The following TJP1 variants were observed in gnomAD, a reference collection of about 807,000 sequenced individuals.
The protein encoded by TJP1 is tight junction protein 1.
Under a neutral mutation model 194.2 loss-of-function variants are expected in TJP1, and 43 were observed. The observed-to-expected ratio is 0.22, with a 90% CI of 0.17 to 0.29. The LOEUF (loss-of-function observed/expected upper bound fraction) is 0.29, where lower values mean the gene tolerates loss of function less well. Ranked by LOEUF, TJP1 falls within the 10% of genes least tolerant of loss-of-function variation. TJP1 has a pLI of 1.00. For missense variants in TJP1, 1,971 were observed against 2,185.7 expected, an observed-to-expected ratio of 0.90 and a Z score of 1.96; for synonymous variants, 801 against 779.0, an observed-to-expected ratio of 1.03 and a Z score of -0.47.
chr15:29,778,801 T>C (rs1396302777), intron 2 of TJP1, among the ~76,000 whole-genome samples: 1 of 152,086 alleles, frequency 6.6e-6, no homozygotes, highest in African/African-American at 2.4e-5. Context: ...AAAACCCAGG[T>C]TCCATGTCAC....
intron 2 of TJP1, among the ~76,000 whole-genome samples, chr15:29,858,042 C>T (rs1379951631): frequency 6.6e-6 from 1 of 152,150 alleles, no homozygotes; most frequent in African/African-American, 2.4e-5. Context: ...GGATTACAGG[C>T]GTGAGCCACC....
At chr15:29,770,892 G>A (rs575221280) in intron 4 of TJP1, among the ~76,000 whole-genome samples, 47 of 151,690 alleles carry the variant, frequency 3.1e-4, no homozygotes, top group African/African-American at 1.0e-3. Flanking sequence ...ATATTAAAAC[G>A]TTAAAAATTT....
intron 2 of TJP1, among the ~76,000 whole-genome samples, chr15:29,902,173 A>T (rs2053655300): frequency 6.6e-6 from 1 of 152,190 alleles, no homozygotes; most frequent in East Asian, 1.9e-4. Flanking sequence ...TTGAAAGTTT[A>T]TTTTGTGAGA....
chr15:29,942,909 ACT>A, intron 2 of TJP1, among the ~76,000 whole-genome samples: 1 of 152,116 alleles, frequency 6.6e-6, no homozygotes, highest in Non-Finnish European at 1.5e-5. Context: ...TTAAGTGAAT[ACT>A]CTCTGTATTT....
In TJP1 at chr15:29,720,458, A is replaced by T; in HGVS notation, c.2663T>A (p.Met888Lys). 6.2e-7 allele frequency: 1 copy of T among 1,614,158 alleles called. No homozygotes were observed. The highest frequency in any genetic ancestry group is 8.5e-7 in the Non-Finnish European group (1 of 1,180,042). The change falls in exon 19 of 28, where the codon ATG (methionine) becomes AAG (lysine). Residue 888 changes from methionine to lysine, a missense_variant. Physicochemically the swap from Met to Lys is moderately conservative, Grantham distance 95. Around this residue, in one of 5 missense-constraint regions of TJP1, gnomAD observed 1,108 missense variants for 1,128.5 expected, o/e 0.98. Coordinates refer to ENST00000614355, the MANE Select transcript of TJP1 (RefSeq NM_001330239.4). ...SEPVREDSSG[M>K]HHENQTYPPY... ...AGGATATGTTTGGTTTTCATGATGC[A>T]TTCCAGAGGAGTCCTCTCTTACAGG...
intron 2 of TJP1, among the ~76,000 whole-genome samples, chr15:29,790,563 T>G (rs898666333): frequency 1.1e-4 from 17 of 152,186 alleles, no homozygotes; most frequent in Admixed American, 4.6e-4. Context: ...AATTCCACTC[T>G]TCTAGTTACT....
At chr15:29,947,851 G>C (rs749056432) in intron 2 of TJP1, among the ~76,000 whole-genome samples, 2 of 152,214 alleles carry the variant, frequency 1.3e-5, no homozygotes, top group Non-Finnish European at 2.9e-5. Flanking sequence ...AACGAGGGCA[G>C]CCTGGAACAG....
chr15:29,717,899 T>C, intron 22 of TJP1, 122 bp downstream of exon 22: 1 of 763,252 alleles, frequency 1.3e-6, no homozygotes, highest in South Asian at 2.3e-5. Flanking sequence ...AGTTTTTATT[T>C]AAGGACAAAC....
At chr15:29,968,229 G>A (rs2056396922) in intron 1 of TJP1, 11 of 985,306 alleles carry the variant, frequency 1.1e-5, no homozygotes, top group South Asian at 4.7e-5. Flanking sequence ...CTCAGCAGCA[G>A]ACGAATTTTT....
At position 29,862,726 on chromosome 15, in the gene TJP1, C is replaced by A. The variant is rs180671621; in HGVS notation, c.307-62024G>T. Among the ~76,000 whole-genome samples, 461 of 148,596 alleles carry A rather than the reference C, an allele frequency of 3.1e-3. 3 individuals are homozygous for A. The highest frequency in any genetic ancestry group is 0.011 in the African/African-American group (434 of 40,144). On this transcript the variant is annotated intron_variant, in intron 2 of 28. Transcript: ENST00000356107. The stretch of plus-strand genomic sequence containing the variant: ...GCAGTGGTGCGATCTTGGCTCACTG[C>A]AAGCTTTGCCTCCCGGGTTCACGCC...
chr15:29,906,292 G>A (rs1427769231), intron 2 of TJP1, among the ~76,000 whole-genome samples: 1 of 151,884 alleles, frequency 6.6e-6, no homozygotes, highest in Non-Finnish European at 1.5e-5. Context: ...GGCCAATATG[G>A]TGAAACCTCA....
intron 2 of TJP1, among the ~76,000 whole-genome samples, chr15:29,946,306 G>A (rs553826250): frequency 6.6e-6 from 1 of 152,378 alleles, no homozygotes; most frequent in Non-Finnish European, 1.5e-5. Flanking sequence ...AGACGTGGCT[G>A]ATTTGGGCAG....
At chr15:29,919,024 T>C (rs2152244312) in intron 2 of TJP1, among the ~76,000 whole-genome samples, 1 of 152,186 alleles carries the variant, frequency 6.6e-6, no homozygotes, top group South Asian at 2.1e-4. Context: ...CACATCGTGG[T>C]GAAATGTCAC....
Position 29,760,675 on chromosome 15 carries a change from C to A in TJP1, c.1010+464G>T, listed in dbSNP as rs192487266. The stretch of plus-strand genomic sequence containing the variant: ...TACAGGTGTGAGCCACCGCGCCCGG[C>A]CAACACTAGTGTATTTTTAAAAGAG... On this transcript the variant is annotated intron_variant, in intron 8 of 27. Coordinates refer to ENST00000614355, the MANE Select transcript of TJP1 (RefSeq NM_001330239.4). Among the ~76,000 whole-genome samples, 4 of 152,238 alleles carry A rather than the reference C, an allele frequency of 2.6e-5. No homozygotes were observed. The East Asian group carries it at 7.7e-4, about 29-fold the overall frequency.
chr15:29,817,378 T>A (rs1007207155), intron 1 of TJP1, among the ~76,000 whole-genome samples: 1 of 152,186 alleles, frequency 6.6e-6, no homozygotes, highest in East Asian at 1.9e-4. Context: ...TTTTACACTG[T>A]TGGTGGGAAT....
At chr15:29,958,178 T>C (rs1313462142) in intron 1 of TJP1, among the ~76,000 whole-genome samples, 1 of 152,190 alleles carries the variant, frequency 6.6e-6, no homozygotes, top group Non-Finnish European at 1.5e-5. Context: ...ATATTTTACC[T>C]TAAATGCCAT....
intron 20 of TJP1, 59 bp from the exon 21 acceptor site, chr15:29,719,197 T>TAAAA: frequency 6.9e-6 from 10 of 1,440,364 alleles, no homozygotes; most frequent in Non-Finnish European, 9.3e-6. Context: ...GTCTATTTTA[T>TAAAA]TAGACTGTGA....
At chr15:29,739,637 G>C (rs1300391806) in intron 10 of TJP1, among the ~76,000 whole-genome samples, 2 of 151,892 alleles carry the variant, frequency 1.3e-5, no homozygotes, top group Non-Finnish European at 2.9e-5. Context: ...GTAGAGACGG[G>C]GTTTCGCCGT....
chr15:29,960,337 C>T (rs2056107520), intron 1 of TJP1, among the ~76,000 whole-genome samples: 1 of 150,036 alleles, frequency 6.7e-6, no homozygotes, highest in African/African-American at 2.5e-5. Flanking sequence ...AGAATAGATC[C>T]ACTGCCCTCC....
Sources: allele counts gnomAD v4.1 joint callset (sites outside exome capture counted in the v4.1 genomes callset), GRCh38; gene constraint gnomAD v4.1.1; regional missense constraint gnomAD v4.1.1; transcripts MANE v1.5; gene names NCBI Gene and HGNC (gene_info 2026-07-23, HGNC 2026-07-21).